Variants in BCL7C observed in about 807,000 individuals in gnomAD.
BCL7C encodes BAF chromatin remodeling complex subunit BCL7C.
BCL7C carries 8 observed loss-of-function variants against 26.2 expected under a neutral mutation model. The observed-to-expected ratio is 0.30, with a 90% CI of 0.18 to 0.55. The LOEUF is 0.55. Among genes scored for constraint, BCL7C ranks in the 20% least tolerant of loss-of-function variants. BCL7C has a pLI of 0.93. For missense variants in BCL7C, 262 were observed against 298.5 expected (o/e 0.88, Z 0.90); for synonymous variants, 90 against 116.5 (o/e 0.77, Z 1.47).
chr16:30,868,998 G>A (rs11641321), intron 5 of BCL7C, among the ~76,000 whole-genome samples: 10,232 of 151,586 alleles, frequency 0.067, 473 homozygotes, highest in Non-Finnish European at 0.11. Context: ...ACCTGCCTCA[G>A]CCTCCCAAAA....
chr16:30,858,034 C>T (rs1003985671), intron 5 of BCL7C, among the ~76,000 whole-genome samples: 7 of 151,478 alleles, frequency 4.6e-5, no homozygotes. Context: ...AATAGCTAGC[C>T]TTTGGTTAAT....
chr16:30,884,395 C>T (rs113728443), downstream of BCL7C, among the ~76,000 whole-genome samples: 8,244 of 151,910 alleles, frequency 0.054, 737 homozygotes, highest in African/African-American at 0.19. Context: ...GCACTTACTA[C>T]GTCCCAGGCC....
chr16:30,879,449 G>A (rs546842676), intron 5 of BCL7C, among the ~76,000 whole-genome samples: 2 of 151,794 alleles, frequency 1.3e-5, no homozygotes, highest in Non-Finnish European at 2.9e-5. Context: ...ACAATAATCC[G>A]GATGACCCTC....
rs1257197178 is a variant in BCL7C, at chr16:30,892,809, C to G, written c.280+31G>C. On this transcript the variant is annotated intron_variant, in intron 3 of 5. Transcript: ENST00000215115. ...CCCTAGTACACTCCTTCAGTCCCCA[C>G]AGCCCCCCGCGTTTCAGGATCCCTA... 3 of 1,613,866 alleles carry G rather than the reference C, an allele frequency of 1.9e-6. 1 individual carries two copies. The highest frequency in any genetic ancestry group is 2.2e-5 in the South Asian group (2 of 91,086).
At chr16:30,862,413 G>T (rs1045947168) in intron 5 of BCL7C, among the ~76,000 whole-genome samples, 1 of 152,158 alleles carries the variant, frequency 6.6e-6, no homozygotes, top group East Asian at 1.9e-4. Flanking sequence ...CTGTATTGCC[G>T]CAAGGCTGCA....
At chr16:30,861,122 C>T (rs2054768248) in intron 5 of BCL7C, among the ~76,000 whole-genome samples, 1 of 152,104 alleles carries the variant, frequency 6.6e-6, no homozygotes. Flanking sequence ...ATATAAAAAC[C>T]CAGCCCAGTC....
rs1427224012 is a variant in BCL7C at position 30,889,046 on chromosome 16, C to T, written c.443-101G>A. ...GGTCACAGGCCCCAGTCACAGAGGG[C>T]AGAGGGCCATGGGAGCAGAGAGGAG... On this transcript the variant is annotated intron_variant, in intron 4 of 5. Transcript: ENST00000215115. The T allele has an allele frequency of 5.2e-6, 6 of 1,159,660 alleles. No individual in the cohort carries two copies. In the Admixed American group the frequency reaches 1.1e-4, roughly 20 times the overall value. The allele number at this position is 1,159,660 out of a possible 1,614,324, so 71.8% of individuals were successfully genotyped here.
chr16:30,842,043 G>A (rs2054605945), intron 5 of BCL7C, among the ~76,000 whole-genome samples: 1 of 146,560 alleles, frequency 6.8e-6, no homozygotes, highest in Non-Finnish European at 1.5e-5. Flanking sequence ...ATACTCTTCT[G>A]TCTTTGTCTT....
chr16:30,887,702 G>T, downstream of BCL7C: 3 of 1,209,124 alleles, frequency 2.5e-6, no homozygotes, highest in Non-Finnish European at 2.2e-6. Context: ...TCCTCTCAGA[G>T]CCTCAGTGAC....
At position 30,866,446 on chromosome 16, in the gene BCL7C, A is replaced by G. The variant is rs1033063218; in HGVS notation, c.528+22414T>C. 2.8e-4 allele frequency among the ~76,000 whole-genome samples: 43 copies of G among 152,052 alleles called. 1 individual carries two copies. The highest frequency in any genetic ancestry group is 8.0e-4 in the African/African-American group (33 of 41,498). On this transcript the variant is annotated intron_variant, in intron 5 of 5. Coordinates refer to the BCL7C transcript ENST00000380317. ...ACAAAAATTAGCCAGGCGTGGTGGC[A>G]CGCACCTGTAGTCCCAGCTACTCAG... is the stretch of plus-strand genomic sequence containing the variant.
rs553060087 is a variant in BCL7C, at chr16:30,837,765, C to T, written c.529-2617G>A. ...GGCAGGGGGTGGTAGCAGGAACAGA[C>T]ATCAGAGAGGCAGAGTGCAGAGAGG... On this transcript the variant is annotated intron_variant, in intron 5 of 5. Transcript: ENST00000380317. Among the ~76,000 whole-genome samples the T allele has an allele frequency of 4.6e-5, 7 of 152,294 alleles. No homozygotes were observed. The East Asian group carries it at 1.3e-3, about 29-fold the overall frequency.
intron 5 of BCL7C, chr16:30,851,482 C>T (rs758665092): frequency 4.5e-6 from 1 of 221,932 alleles, no homozygotes; most frequent in Non-Finnish European, 9.0e-6. Context: ...TCAAGTGATC[C>T]GTCCACCTTG....
At chr16:30,868,150 CAG>C (rs1212574120) in intron 5 of BCL7C, among the ~76,000 whole-genome samples, 2 of 122,206 alleles carry the variant, frequency 1.6e-5, no homozygotes, top group African/African-American at 3.3e-5. Context: ...TTTTTTGAGA[CAG>C]AGTCTTGCTC....
chr16:30,870,941 A>G (rs2054877201), intron 5 of BCL7C, among the ~76,000 whole-genome samples: 1 of 152,176 alleles, frequency 6.6e-6, no homozygotes, highest in Non-Finnish European at 1.5e-5. Context: ...CAGTTGACTT[A>G]TCTGTAATAT....
At chr16:30,856,447 A>AG (rs1304081439) in intron 5 of BCL7C, among the ~76,000 whole-genome samples, 1 of 151,500 alleles carries the variant, frequency 6.6e-6, no homozygotes, top group Non-Finnish European at 1.5e-5. Flanking sequence ...TCTAAAAAAA[A>AG]AAAAAAAAAA....
chr16:30,877,315 G>T (rs2054965108), intron 5 of BCL7C, among the ~76,000 whole-genome samples: 1 of 152,116 alleles, frequency 6.6e-6, no homozygotes, highest in Admixed American at 6.6e-5. Context: ...GCTCTGTCGC[G>T]CAGGTTGAAG....
In BCL7C at chr16:30,893,045, G is replaced by T; in HGVS notation, c.172-97C>A. ...AGAAGCAAAAGGGCTCAAACTCAGGGGGTGTGGAGCAGAAAAGAGGGCAAA... is the reference window on the plus strand; with the variant it reads ...AGAAGCAAAAGGGCTCAAACTCAGGTGGTGTGGAGCAGAAAAGAGGGCAAA... On this transcript the variant is annotated intron_variant, in intron 2 of 5. Transcript: ENST00000215115. The surrounding 1 kb of genome is among the most constrained non-coding windows in gnomAD (Gnocchi z 5.2). 1 of 1,315,340 alleles carries T rather than the reference G, an allele frequency of 7.6e-7. No individual in the cohort carries two copies. Among genetic ancestry groups the T allele is most frequent in the Non-Finnish European group, 1.1e-6 (1 of 938,280 alleles). The allele number at this position is 1,315,340 out of a possible 1,614,324, so 81.5% of individuals were successfully genotyped here. A position where few individuals can be genotyped will look rare whatever the true frequency, so the allele number is the denominator to read the frequency against.
At chr16:30,887,645 G>A (rs1370682880), downstream of BCL7C, 3 of 665,736 alleles carry the variant, frequency 4.5e-6, no homozygotes, top group Non-Finnish European at 7.0e-6. Flanking sequence ...CAGGGTCCTG[G>A]CTCAAGCCCC....
chr16:30,886,052 C>G (rs2055128899), downstream of BCL7C, among the ~76,000 whole-genome samples: 1 of 152,132 alleles, frequency 6.6e-6, no homozygotes, highest in Non-Finnish European at 1.5e-5. Context: ...GTTGCTCAAG[C>G]TGGTCTCAAA....
Sources: gnomAD v4.1 joint callset for allele counts (sites outside exome capture counted in the v4.1 genomes callset) on GRCh38, gnomAD v4.1.1 for gene constraint, Gnocchi (gnomAD v3.1) non-coding constraint, MANE v1.5 for transcripts, NCBI Gene and HGNC (gene_info 2026-07-23, HGNC 2026-07-21) for gene names.